CLDN16: variants seen among roughly 807,000 people sequenced by gnomAD.
CLDN16 encodes the protein claudin-16.
A neutral mutation model predicts 24.6 loss-of-function variants in CLDN16; 13 were observed. The observed-to-expected ratio is 0.53, with a 90% confidence interval of 0.34 to 0.84. The LOEUF (loss-of-function observed/expected upper bound fraction) is 0.84. Among genes scored for constraint, CLDN16 ranks in the 40% least tolerant of loss-of-function variants. The pLI, the probability that CLDN16 is intolerant of heterozygous loss-of-function variation, is 0.01. For synonymous variants in CLDN16, 116 were observed against 106.7 expected, an observed-to-expected ratio of 1.09 and a Z score of -0.54; for missense variants, 298 against 292.7, an observed-to-expected ratio of 1.02 and a Z score of -0.13.
chr3:190,397,711 T>A (rs1305049248), intron 1 of CLDN16, among the ~76,000 whole-genome samples: 1 of 152,214 alleles, frequency 6.6e-6, no homozygotes, highest in Admixed American at 6.5e-5. Context: ...TATTCTCACG[T>A]ACCTTAACTG....
At chr3:190,291,378 G>A in the CLDN16 span, among the ~76,000 whole-genome samples, 11 of 152,136 alleles carry the variant, frequency 7.2e-5, no homozygotes, top group Admixed American at 2.6e-4. Flanking sequence ...AATCATGGTG[G>A]AAGGGGAGGC....
At chr3:190,391,866 CATT>C (rs1171750183) in intron 1 of CLDN16, among the ~76,000 whole-genome samples, 2 of 152,076 alleles carry the variant, frequency 1.3e-5, no homozygotes, top group Non-Finnish European at 2.9e-5. Context: ...CTGCTCTTGT[CATT>C]ATTGATTCAT....
At chr3:190,298,371 A>G in the CLDN16 span, among the ~76,000 whole-genome samples, 2 of 151,672 alleles carry the variant, frequency 1.3e-5, no homozygotes, top group Non-Finnish European at 2.9e-5. Context: ...ACACACACAC[A>G]CACACCTTAA....
intron 3 of CLDN16, among the ~76,000 whole-genome samples, chr3:190,379,072 C>T (rs776937207): frequency 5.9e-5 from 9 of 151,982 alleles, no homozygotes; most frequent in African/African-American, 9.7e-5. Context: ...AGCAAAGAAA[C>T]GTACTTGATT....
At chr3:190,406,978 G>A (rs1719121099) in intron 3 of CLDN16, among the ~76,000 whole-genome samples, 1 of 152,010 alleles carries the variant, frequency 6.6e-6, no homozygotes, top group Admixed American at 6.6e-5. Context: ...TTGACCTCGT[G>A]ATCCGCCCGC....
the CLDN16 span, chr3:190,310,036 T>C: frequency 1.3e-6 from 1 of 748,578 alleles, no homozygotes; most frequent in Non-Finnish European, 2.4e-6. Context: ...CAGAGATCAT[T>C]TAAATTGTTT....
intron 1 of CLDN16, among the ~76,000 whole-genome samples, chr3:190,356,954 G>T (rs1157902983): frequency 6.6e-6 from 1 of 151,892 alleles, no homozygotes; most frequent in Non-Finnish European, 1.5e-5. Context: ...AATTCGCTAT[G>T]TAGATTATAC....
rs1044089075 is a variant in CLDN16, at chr3:190,351,741, C to T, written n.122-19152C>T. ...GTAAACAGATGGAAAACAAAATAACCAAGAAACAAACTAGGTAAATAATTA... is the reference window on the plus strand; with the variant it reads ...GTAAACAGATGGAAAACAAAATAACTAAGAAACAAACTAGGTAAATAATTA... On this transcript the variant is annotated intron_variant and non_coding_transcript_variant, in intron 1 of 4. Transcript: ENST00000468220. Among the ~76,000 whole-genome samples the T allele has an allele frequency of 3.6e-4, 54 of 151,882 alleles. 1 individual carries two copies. The highest frequency in any genetic ancestry group is 1.3e-3 in the African/African-American group (54 of 41,464).
At chr3:190,310,106 T>C in the CLDN16 span, 1 of 1,362,084 alleles carries the variant, frequency 7.3e-7, no homozygotes, top group Non-Finnish European at 1.0e-6. Context: ...TAGCAGGACT[T>C]TGTAGAATAT....
intron 1 of CLDN16, among the ~76,000 whole-genome samples, chr3:190,399,691 T>C (rs1718913522): frequency 6.6e-6 from 1 of 152,164 alleles, no homozygotes; most frequent in Non-Finnish European, 1.5e-5. Flanking sequence ...AATATCCTTT[T>C]TTCTAGCTAT....
At chr3:190,403,590 A>G (rs751609598) in intron 2 of CLDN16, among the ~76,000 whole-genome samples, 1 of 152,200 alleles carries the variant, frequency 6.6e-6, no homozygotes, top group Non-Finnish European at 1.5e-5. Context: ...TTCTCAAGAT[A>G]AATAAAAAAT....
At chr3:190,401,452 T>A (rs1718960836) in intron 1 of CLDN16, among the ~76,000 whole-genome samples, 1 of 152,234 alleles carries the variant, frequency 6.6e-6, no homozygotes, top group South Asian at 2.1e-4. Flanking sequence ...AATCCATAAC[T>A]GGGTCAGAGG....
At chr3:190,336,535 A>T (rs1040185851) in intron 1 of CLDN16, among the ~76,000 whole-genome samples, 2 of 152,254 alleles carry the variant, frequency 1.3e-5, no homozygotes, top group Non-Finnish European at 2.9e-5. Flanking sequence ...GTGCTGTGGA[A>T]AGTTCCCCGT....
upstream of CLDN16, among the ~76,000 whole-genome samples, chr3:190,385,793 A>G (rs1718483889): frequency 6.6e-6 from 1 of 152,198 alleles, no homozygotes; most frequent in South Asian, 2.1e-4. Context: ...GATTTGTAGT[A>G]TATAACTCTT....
At chr3:190,372,511 G>A (rs185221432) in intron 2 of CLDN16, among the ~76,000 whole-genome samples, 49 of 151,740 alleles carry the variant, frequency 3.2e-4, no homozygotes, top group African/African-American at 8.7e-4. Context: ...TGGGCTTGTC[G>A]CACACACCTG....
At chr3:190,363,096 C>T (rs1035603510) in intron 1 of CLDN16, among the ~76,000 whole-genome samples, 7 of 151,852 alleles carry the variant, frequency 4.6e-5, no homozygotes, top group East Asian at 1.9e-4. Flanking sequence ...TACAACCATT[C>T]GATATTAATT....
At chr3:190,313,258 C>G in the CLDN16 span, 1 of 550,038 alleles carries the variant, frequency 1.8e-6, no homozygotes, top group East Asian at 3.1e-5. Flanking sequence ...TCCCTCCACT[C>G]CAATATTTTA....
intron 1 of CLDN16, among the ~76,000 whole-genome samples, chr3:190,355,385 C>T (rs990450374): frequency 6.6e-6 from 1 of 151,834 alleles, no homozygotes; most frequent in Non-Finnish European, 1.5e-5. Flanking sequence ...TTAAAAATCC[C>T]CAAGTCCTCT....
chr3:190,324,416 G>T (rs1251375272), intron 1 of CLDN16, among the ~76,000 whole-genome samples: 1 of 152,172 alleles, frequency 6.6e-6, no homozygotes, highest in African/African-American at 2.4e-5. Context: ...CCGGGAGGCG[G>T]AGGTGGCAGT....
Sources: allele counts gnomAD v4.1 joint callset (sites outside exome capture counted in the v4.1 genomes callset), GRCh38; gene constraint gnomAD v4.1.1; transcripts MANE v1.5; gene names NCBI Gene and HGNC (gene_info 2026-07-23, HGNC 2026-07-21).